ARFGEF1: variants seen among roughly 807,000 people sequenced by gnomAD.
ARFGEF1 encodes the protein brefeldin A-inhibited guanine nucleotide-exchange protein 1.
In ARFGEF1, 42 loss-of-function variants were observed where a neutral mutation model predicts 231.0. The observed-to-expected ratio is 0.18, with a 90% CI of 0.14 to 0.24. The LOEUF (loss-of-function observed/expected upper bound fraction) is 0.24, where lower values mean the gene tolerates loss of function less well. ARFGEF1 is among the 10% of genes least tolerant of loss of function. ARFGEF1 has a pLI of 1.00. For missense variants in ARFGEF1, 1,345 were observed against 2,192.0 expected (o/e 0.61, Z 7.72); for synonymous variants, 710 against 732.3 (o/e 0.97, Z 0.49).
intron 5 of ARFGEF1, among the ~76,000 whole-genome samples, chr8:67,192,242 G>A (rs1008878929): frequency 6.6e-6 from 1 of 151,834 alleles, no homozygotes; most frequent in African/African-American, 2.4e-5. Context: ...GCCTGGCTAA[G>A]TTTTGTATTT....
At chr8:67,308,242 TAATAA>T (rs1243308242) in intron 1 of ARFGEF1, among the ~76,000 whole-genome samples, 1 of 152,152 alleles carries the variant, frequency 6.6e-6, no homozygotes, top group East Asian at 1.9e-4. Flanking sequence ...CCTGTAAGCA[TAATAA>T]AATGATCACT....
chr8:67,333,086 A>T (rs1467128895), intron 1 of ARFGEF1, among the ~76,000 whole-genome samples: 2 of 149,016 alleles, frequency 1.3e-5, no homozygotes, highest in African/African-American at 5.0e-5. Flanking sequence ...GCCAGGCAGG[A>T]GTGCAGTGGC....
At chr8:67,338,263 C>T (rs1274555824) in intron 1 of ARFGEF1, among the ~76,000 whole-genome samples, 1 of 152,122 alleles carries the variant, frequency 6.6e-6, no homozygotes, top group Non-Finnish European at 1.5e-5. Context: ...TAGAGAAACA[C>T]AGGTTTGTGC....
At chr8:67,261,641 C>G (rs1455383395) in intron 14 of ARFGEF1, among the ~76,000 whole-genome samples, 1 of 152,124 alleles carries the variant, frequency 6.6e-6, no homozygotes, top group Non-Finnish European at 1.5e-5. Flanking sequence ...CCTGCTAACA[C>G]AATATCCATT....
intron 1 of ARFGEF1, among the ~76,000 whole-genome samples, chr8:67,304,206 T>G (rs1287887638): frequency 2.0e-5 from 3 of 152,210 alleles, no homozygotes; most frequent in Non-Finnish European, 4.4e-5. Context: ...AAAAGCGACT[T>G]TGACAAATCA....
At chr8:67,249,786 TAA>T (rs921177232) in intron 19 of ARFGEF1, among the ~76,000 whole-genome samples, 8 of 152,266 alleles carry the variant, frequency 5.3e-5, no homozygotes, top group African/African-American at 1.9e-4. Context: ...CAAGCCTGGC[TAA>T]TTTTTGTACT....
intron 1 of ARFGEF1, among the ~76,000 whole-genome samples, chr8:67,338,508 T>C (rs948063219): frequency 3.3e-5 from 5 of 152,236 alleles, no homozygotes; most frequent in African/African-American, 9.6e-5. Context: ...ACTATGTTCA[T>C]GTGCATTATA....
intron 5 of ARFGEF1, among the ~76,000 whole-genome samples, chr8:67,183,124 G>T (rs1215254787): frequency 1.3e-5 from 2 of 152,154 alleles, no homozygotes; most frequent in African/African-American, 4.8e-5. Flanking sequence ...TTAATGTTTA[G>T]ATGCCTAACC....
intron 13 of ARFGEF1, among the ~76,000 whole-genome samples, chr8:67,266,473 C>T (rs962345227): frequency 2.6e-5 from 4 of 152,118 alleles, no homozygotes; most frequent in African/African-American, 4.8e-5. Context: ...TCTCAGCTCA[C>T]TCCTCATGAG....
At chr8:67,331,183 A>T (rs78213284) in intron 1 of ARFGEF1, among the ~76,000 whole-genome samples, 1 of 152,204 alleles carries the variant, frequency 6.6e-6, no homozygotes, top group African/African-American at 2.4e-5. Flanking sequence ...AAAATTACTT[A>T]GTAACTGCTA....
At chr8:67,279,938 G>A (rs1216521160) in intron 7 of ARFGEF1, among the ~76,000 whole-genome samples, 1 of 151,962 alleles carries the variant, frequency 6.6e-6, no homozygotes, top group Non-Finnish European at 1.5e-5. Flanking sequence ...TTTCAAGGTG[G>A]TGAATTGAGC....
chr8:67,258,001 C>A, intron 16 of ARFGEF1, 84 bp downstream of exon 16: 1 of 1,308,092 alleles, frequency 7.6e-7, no homozygotes, highest in South Asian at 1.3e-5. Flanking sequence ...GGATTAGGTC[C>A]TATTATCTGT....
intron 34 of ARFGEF1, among the ~76,000 whole-genome samples, chr8:67,211,099 A>G: frequency 6.7e-6 from 1 of 150,060 alleles, no homozygotes. Flanking sequence ...TAATCCCAGC[A>G]CTTTGGGAGG....
At chr8:67,211,324 C>G (rs891001687) in intron 34 of ARFGEF1, among the ~76,000 whole-genome samples, 159 bp downstream of exon 34, 1 of 126,108 alleles carries the variant, frequency 7.9e-6, no homozygotes, top group Non-Finnish European at 1.5e-5. Context: ...CCAGACTGGG[C>G]GACAGAGTGA....
intron 19 of ARFGEF1, among the ~76,000 whole-genome samples, chr8:67,242,108 G>A (rs1839949075): frequency 6.6e-6 from 1 of 152,150 alleles, no homozygotes; most frequent in South Asian, 2.1e-4. Flanking sequence ...AAAATGTTCT[G>A]GGGCCCTAAA....
In ARFGEF1 at chr8:67,253,477, G is replaced by A; in HGVS notation, c.2672C>T (p.Thr891Ile). 6.4e-7 allele frequency: 1 copy of A among 1,571,586 alleles called. No individual in the cohort carries two copies. The highest frequency in any genetic ancestry group is 2.2e-5 in the East Asian group (1 of 44,458). Residue 891 changes from threonine to isoleucine, a missense_variant, in exon 18 of 39, where the codon ACA becomes ATA. Transcript: ENST00000262215. ...KISMKETKEL[T>I]IPTKSSKQNV... ...CTGTTTACTTGATTTTGTAGGGATT[G>A]TTAGTTCTTTTGTTTCTTTCATTGA...
chr8:67,320,215 C>T (rs901473317), intron 1 of ARFGEF1, among the ~76,000 whole-genome samples: 4 of 88,826 alleles, frequency 4.5e-5, no homozygotes, highest in African/African-American at 1.0e-4. Context: ...AAGAGCAAAA[C>T]GCTATCTCAA....
intron 9 of ARFGEF1, among the ~76,000 whole-genome samples, chr8:67,274,193 G>A (rs1330412987): frequency 1.3e-5 from 2 of 151,892 alleles, no homozygotes; most frequent in Non-Finnish European, 2.9e-5. Context: ...TTTTTCATGG[G>A]GTAGTTTCAA....
At position 67,237,519 on chromosome 8, in the gene ARFGEF1, T is replaced by C. The variant is rs190399798; in HGVS notation, c.3289+824A>G. Among the ~76,000 whole-genome samples the C allele has an allele frequency of 1.4e-4, 22 of 152,204 alleles. No homozygotes were observed. In the East Asian group the frequency reaches 1.5e-3, roughly 11 times the overall value. ...CAGCAACAGAGGAATCACTAAAAGA[T>C]AGAAGATTCCTGCTCTAAGTAATGC... On this transcript the variant is annotated intron_variant, in intron 22 of 38. Coordinates refer to ENST00000262215, the MANE Select transcript of ARFGEF1 (RefSeq NM_006421.5).
Sources: allele counts gnomAD v4.1 joint callset (sites outside exome capture counted in the v4.1 genomes callset), GRCh38; gene constraint gnomAD v4.1.1; transcripts MANE v1.5; gene names NCBI Gene and HGNC (gene_info 2026-07-23, HGNC 2026-07-21).